Variants in GALNTL6 observed in about 807,000 individuals in gnomAD.
GALNTL6 encodes the protein polypeptide N-acetylgalactosaminyltransferase like 6.
In GALNTL6, 46 loss-of-function variants were observed where a neutral mutation model predicts 73.7. The ratio of observed to expected loss-of-function variants is 0.62; its 90% CI spans 0.49 to 0.80. The LOEUF (loss-of-function observed/expected upper bound fraction) is 0.80, where lower values mean the gene tolerates loss of function less well. GALNTL6 is among the 30% of genes least tolerant of loss of function. GALNTL6 has a pLI of 0.00. For missense variants in GALNTL6, 604 were observed against 755.0 expected, an observed-to-expected ratio of 0.80 and a Z score of 2.34; for synonymous variants, 259 against 263.7, an observed-to-expected ratio of 0.98 and a Z score of 0.17.
At chr4:172,004,117 C>T (rs1054191142) in intron 2 of GALNTL6, among the ~76,000 whole-genome samples, 1 of 152,154 alleles carries the variant, frequency 6.6e-6, no homozygotes, top group Non-Finnish European at 1.5e-5. Context: ...CAAGCTCTAG[C>T]TTCAAGTTTA....
At chr4:172,116,529 C>T (rs561173145) in intron 2 of GALNTL6, among the ~76,000 whole-genome samples, 1 of 152,030 alleles carries the variant, frequency 6.6e-6, no homozygotes, top group Non-Finnish European at 1.5e-5. Context: ...CTCACCTTCC[C>T]GAAGTGCTGG....
At chr4:171,844,731 A>T (rs1227829783) in intron 2 of GALNTL6, among the ~76,000 whole-genome samples, 1 of 152,282 alleles carries the variant, frequency 6.6e-6, no homozygotes, top group African/African-American at 2.4e-5. Context: ...CCCAAGAACA[A>T]ATATAACATT....
intron 5 of GALNTL6, among the ~76,000 whole-genome samples, chr4:172,392,774 T>C (rs1251855844): frequency 6.6e-6 from 1 of 152,196 alleles, no homozygotes; most frequent in East Asian, 1.9e-4. Flanking sequence ...ATCGGGTTTT[T>C]GACCTTTGAG....
At chr4:171,923,827 T>TGTGTG (rs1560843047) in intron 2 of GALNTL6, among the ~76,000 whole-genome samples, 11 of 149,340 alleles carry the variant, frequency 7.4e-5, no homozygotes, top group East Asian at 6.0e-4. Flanking sequence ...TGTGTGTGTG[T>TGTGTG]TTGAAGTTCT....
At chr4:172,786,152 A>G (rs970281343) in intron 5 of GALNTL6, among the ~76,000 whole-genome samples, 2 of 152,234 alleles carry the variant, frequency 1.3e-5, no homozygotes, top group Non-Finnish European at 2.9e-5. Context: ...TTGAACTCCA[A>G]TTCGCTCTAA....
intron 2 of GALNTL6, among the ~76,000 whole-genome samples, chr4:172,156,971 A>G (rs978224843): frequency 6.6e-6 from 1 of 152,146 alleles, no homozygotes; most frequent in Non-Finnish European, 1.5e-5. Flanking sequence ...GTCCATTCCC[A>G]TAGACTCACT....
intron 7 of GALNTL6, among the ~76,000 whole-genome samples, chr4:172,819,143 A>G (rs1292803467): frequency 6.6e-6 from 1 of 152,208 alleles, no homozygotes; most frequent in African/African-American, 2.4e-5. Flanking sequence ...GGCATAGCCC[A>G]TGCTAAAATG....
At chr4:172,728,799 A>G (rs1735982041) in intron 5 of GALNTL6, among the ~76,000 whole-genome samples, 1 of 152,204 alleles carries the variant, frequency 6.6e-6, no homozygotes, top group South Asian at 2.1e-4. Flanking sequence ...AGGAGATTCC[A>G]TAATGTCCTC....
chr4:172,670,950 A>G lies in GALNTL6; in HGVS notation c.554-138411A>G, dbSNP rs559268556. ...GTTTTTGTCAGGTTTGTTGAAGATC[A>G]TACAAATTTAGGTGTGTGGCCTCAT... On this transcript the variant is annotated intron_variant, in intron 5 of 12. Transcript: ENST00000506823. Among the ~76,000 whole-genome samples, 8 of 152,262 alleles carry G rather than the reference A, an allele frequency of 5.3e-5. No homozygotes were observed. The South Asian group carries it at 1.2e-3, about 24-fold the overall frequency.
chr4:171,881,193 A>G (rs1174260593), intron 2 of GALNTL6, among the ~76,000 whole-genome samples: 10 of 152,228 alleles, frequency 6.6e-5, no homozygotes, highest in Non-Finnish European at 4.4e-5. Flanking sequence ...AATCCAATAC[A>G]TTAATTTCAT....
chr4:171,987,356 G>A (rs1740131341), intron 2 of GALNTL6, among the ~76,000 whole-genome samples: 1 of 152,162 alleles, frequency 6.6e-6, no homozygotes. Context: ...ATAAAGGCTG[G>A]TCTATTATCA....
chr4:172,552,940 T>C (rs1237594934), intron 5 of GALNTL6, among the ~76,000 whole-genome samples: 1 of 151,506 alleles, frequency 6.6e-6, no homozygotes, highest in Non-Finnish European at 1.5e-5. Flanking sequence ...TCTCAAGTTG[T>C]CTTAGGTATG....
intron 2 of GALNTL6, among the ~76,000 whole-genome samples, chr4:171,880,151 T>C (rs1376656339): frequency 6.6e-6 from 1 of 152,026 alleles, no homozygotes; most frequent in Admixed American, 6.6e-5. Flanking sequence ...ATCCAAGGAG[T>C]TCTTCTCATT....
rs1348564863 is a variant in GALNTL6, at chr4:172,999,204, C to T, written c.1372-9974C>T. The stretch of plus-strand genomic sequence containing the variant: ...TGGTGTGGCTGTCATATACATGCAG[C>T]TTGGTAGTGATAAAGAAACTTGCAG... On this transcript the variant is annotated intron_variant, in intron 10 of 12. Transcript: ENST00000506823. Among the ~76,000 whole-genome samples, 9 of 152,234 alleles carry T rather than the reference C, an allele frequency of 5.9e-5. No individual in the cohort carries two copies. The Middle Eastern group carries it at 0.01, about 173-fold the overall frequency.
chr4:172,173,181 T>C (rs544515267), intron 2 of GALNTL6, among the ~76,000 whole-genome samples: 1 of 152,362 alleles, frequency 6.6e-6, no homozygotes, highest in Admixed American at 6.5e-5. Flanking sequence ...TTCCAAAACC[T>C]GTGACTGCTA....
chr4:172,831,477 C>T (rs915643844), intron 7 of GALNTL6, among the ~76,000 whole-genome samples: 10 of 152,222 alleles, frequency 6.6e-5, no homozygotes, highest in African/African-American at 1.9e-4. Flanking sequence ...AAAGCCTCAG[C>T]GAGGTGAGAT....
At chr4:172,694,414 G>C (rs1733550472) in intron 5 of GALNTL6, among the ~76,000 whole-genome samples, 1 of 152,078 alleles carries the variant, frequency 6.6e-6, no homozygotes, top group Admixed American at 6.6e-5. Flanking sequence ...CTGTTTCTGT[G>C]TTAGTTTGCT....
At chr4:172,422,925 G>A (rs765491367) in intron 5 of GALNTL6, among the ~76,000 whole-genome samples, 1 of 150,948 alleles carries the variant, frequency 6.6e-6, no homozygotes, top group Non-Finnish European at 1.5e-5. Flanking sequence ...GGGAAGAGGT[G>A]ATTAGTTATA....
intron 2 of GALNTL6, among the ~76,000 whole-genome samples, chr4:171,955,425 G>T (rs74545979): frequency 0.019 from 2,817 of 150,956 alleles, 91 homozygotes; most frequent in African/African-American, 0.066. Context: ...GTTGACCCCC[G>T]ATATTCATGA....
Sources: allele counts gnomAD v4.1 joint callset (sites outside exome capture counted in the v4.1 genomes callset), GRCh38; gene constraint gnomAD v4.1.1; transcripts MANE v1.5; gene names NCBI Gene and HGNC (gene_info 2026-07-23, HGNC 2026-07-21).